GALNT13: variants seen among roughly 807,000 people sequenced by gnomAD.
GALNT13 encodes polypeptide N-acetylgalactosaminyltransferase 13.
Under a neutral mutation model 64.2 loss-of-function variants are expected in GALNT13, and 28 were observed. That is an observed-to-expected ratio of 0.44 (90% CI 0.32 to 0.60). The LOEUF is 0.60. GALNT13 is among the 20% of genes least tolerant of loss of function. The pLI is 0.05. For synonymous variants in GALNT13, 214 were observed against 224.6 expected (o/e 0.95, Z 0.42); for missense variants, 577 against 669.8 (o/e 0.86, Z 1.53).
the GALNT13 span, among the ~76,000 whole-genome samples, chr2:153,307,870 C>CTATA: frequency 9.9e-5 from 15 of 152,034 alleles, no homozygotes; most frequent in South Asian, 2.9e-3. Flanking sequence ...CTTATTAGTC[C>CTATA]TATCATCTAT....
chr2:153,162,903 A>C, the GALNT13 span, among the ~76,000 whole-genome samples: 1 of 152,146 alleles, frequency 6.6e-6, no homozygotes, highest in East Asian at 1.9e-4. Flanking sequence ...ACCCACAGAA[A>C]CACAAATTAG....
chr2:153,470,618 G>A, the GALNT13 span, among the ~76,000 whole-genome samples: 7 of 152,120 alleles, frequency 4.6e-5, no homozygotes, highest in Non-Finnish European at 1.0e-4. Context: ...TTTCATGCGT[G>A]ATGCACCTGT....
At chr2:153,840,663 A>C in the GALNT13 span, among the ~76,000 whole-genome samples, 3 of 152,162 alleles carry the variant, frequency 2.0e-5, no homozygotes, top group Admixed American at 6.6e-5. Context: ...AAATACCCTG[A>C]TGCTTATAAA....
chr2:153,849,943 C>T, the GALNT13 span, among the ~76,000 whole-genome samples: 96 of 146,528 alleles, frequency 6.6e-4, no homozygotes, highest in Non-Finnish European at 1.1e-3. Context: ...GGGTGGATCA[C>T]GAGGTCATGA....
chr2:154,245,694 G>T, intron 6 of GALNT13, 118 bp from the exon 7 acceptor site: 2 of 630,672 alleles, frequency 3.2e-6, no homozygotes, highest in Non-Finnish European at 5.5e-6. Context: ...TGAAGCTAAA[G>T]GCATATTAAA....
chr2:153,188,792 T>C, the GALNT13 span, among the ~76,000 whole-genome samples: 1,316 of 152,290 alleles, frequency 8.6e-3, 9 homozygotes, highest in Middle Eastern at 0.048. Flanking sequence ...AATTATAATT[T>C]GTTGTTAGTC....
the GALNT13 span, among the ~76,000 whole-genome samples, chr2:153,790,117 A>C: frequency 6.6e-6 from 1 of 152,176 alleles, no homozygotes; most frequent in South Asian, 2.1e-4. Context: ...AAACCCTGGC[A>C]GAGACAAAAC....
the GALNT13 span, among the ~76,000 whole-genome samples, chr2:153,327,798 A>G: frequency 1.3e-5 from 2 of 152,044 alleles, no homozygotes; most frequent in African/African-American, 4.8e-5. Flanking sequence ...ACTTCTGTCA[A>G]TTCGTCAAAC....
the GALNT13 span, among the ~76,000 whole-genome samples, chr2:153,323,188 C>G: frequency 1.4e-4 from 21 of 152,092 alleles, no homozygotes; most frequent in Non-Finnish European, 2.9e-4. Flanking sequence ...ATGATTGCCA[C>G]TCTAACTGGC....
intron 3 of GALNT13, among the ~76,000 whole-genome samples, chr2:154,026,610 C>G (rs971350266): frequency 6.6e-6 from 1 of 152,160 alleles, no homozygotes; most frequent in African/African-American, 2.4e-5. Context: ...TCTCTGTGTT[C>G]TCACATGCAG....
At chr2:153,986,185 C>T (rs1010792541) in intron 3 of GALNT13, among the ~76,000 whole-genome samples, 3 of 151,950 alleles carry the variant, frequency 2.0e-5, no homozygotes, top group Non-Finnish European at 2.9e-5. Flanking sequence ...GGCTTCAAAC[C>T]GTCAAATGGT....
the GALNT13 span, among the ~76,000 whole-genome samples, chr2:153,830,506 TAA>T: frequency 6.6e-6 from 1 of 152,152 alleles, no homozygotes; most frequent in Non-Finnish European, 1.5e-5. Context: ...TTGCCAGTAT[TAA>T]GTAGTATTGC....
intron 4 of GALNT13, among the ~76,000 whole-genome samples, chr2:154,151,932 T>G (rs1404806113): frequency 6.6e-6 from 1 of 152,194 alleles, no homozygotes; most frequent in Non-Finnish European, 1.5e-5. Flanking sequence ...CCATTTACAT[T>G]TAAGGCTAAT....
At chr2:154,085,943 T>C (rs2105426261) in intron 3 of GALNT13, among the ~76,000 whole-genome samples, 1 of 151,918 alleles carries the variant, frequency 6.6e-6, no homozygotes, top group African/African-American at 2.4e-5. Flanking sequence ...AAATAAAGTA[T>C]GTTGTAATTT....
At chr2:154,325,115 G>A (rs1694814281) in intron 9 of GALNT13, among the ~76,000 whole-genome samples, 1 of 151,750 alleles carries the variant, frequency 6.6e-6, no homozygotes, top group African/African-American at 2.4e-5. Context: ...CTAGTTCCCT[G>A]TGTGAGTGGC....
the GALNT13 span, among the ~76,000 whole-genome samples, chr2:153,397,810 A>G: frequency 1.3e-5 from 2 of 152,154 alleles, no homozygotes; most frequent in Non-Finnish European, 2.9e-5. Flanking sequence ...ACACTTCTCT[A>G]TATGACTCAG....
chr2:154,244,841 G>A (rs577290561), intron 6 of GALNT13, among the ~76,000 whole-genome samples: 2 of 152,166 alleles, frequency 1.3e-5, no homozygotes, highest in African/African-American at 4.8e-5. Context: ...AATGGGATAG[G>A]CCAGGTGCGG....
chr2:153,997,098 G>A (rs1280514414), intron 3 of GALNT13, among the ~76,000 whole-genome samples: 1 of 152,092 alleles, frequency 6.6e-6, no homozygotes, highest in Non-Finnish European at 1.5e-5. Context: ...TTTGAAATCA[G>A]GTAATTGGAT....
the GALNT13 span, among the ~76,000 whole-genome samples, chr2:153,375,275 G>C: frequency 6.6e-6 from 1 of 151,750 alleles, no homozygotes; most frequent in Non-Finnish European, 1.5e-5. Context: ...GTTTATTTAT[G>C]TTCTGTTTGA....
Sources: gnomAD v4.1 joint callset for allele counts (sites outside exome capture counted in the v4.1 genomes callset) on GRCh38, gnomAD v4.1.1 for gene constraint, MANE v1.5 for transcripts, NCBI Gene and HGNC (gene_info 2026-07-23, HGNC 2026-07-21) for gene names.